CTIF: variants seen among roughly 807,000 people sequenced by gnomAD.
CTIF encodes cap binding complex dependent translation initiation factor.
In CTIF, 21 loss-of-function variants were observed where a neutral mutation model predicts 66.0. The ratio of observed to expected loss-of-function variants is 0.32; its 90% CI spans 0.23 to 0.46. CTIF has a LOEUF of 0.46. CTIF is among the 20% of genes least tolerant of loss of function. The pLI is 1.00. For synonymous variants in CTIF, 345 were observed against 326.4 expected, an observed-to-expected ratio of 1.06 and a Z score of -0.62; for missense variants, 739 against 812.7, an observed-to-expected ratio of 0.91 and a Z score of 1.10.
rs114018097 is a variant in CTIF, at chr18:48,741,937, C to T, written c.585-15982C>T. Among the ~76,000 whole-genome samples the T allele has an allele frequency of 2.4e-3, 361 of 152,316 alleles. 1 individual carries two copies. The highest frequency in any genetic ancestry group is 8.4e-3 in the African/African-American group (350 of 41,554). The stretch of plus-strand genomic sequence containing the variant: ...AGGGCTTGACACCTGCCTCCTTGTC[C>T]CCCAGCTCAGAAACCACTTACCAGG... On this transcript the variant is annotated intron_variant, in intron 7 of 11. Coordinates refer to ENST00000256413, the MANE Select transcript of CTIF (RefSeq NM_014772.3).
chr18:48,698,918 A>G (rs1473482370), intron 6 of CTIF, among the ~76,000 whole-genome samples: 1 of 152,138 alleles, frequency 6.6e-6, no homozygotes, highest in East Asian at 1.9e-4. Flanking sequence ...CACCTAGTAC[A>G]GCCGCTGGCA....
At chr18:48,635,656 T>C (rs1361930079) in intron 2 of CTIF, among the ~76,000 whole-genome samples, 1 of 152,066 alleles carries the variant, frequency 6.6e-6, no homozygotes, top group East Asian at 1.9e-4. Flanking sequence ...GGGTGTAGGT[T>C]AAGGTCAATA....
chr18:48,589,947 T>G (rs1414380305), intron 1 of CTIF, among the ~76,000 whole-genome samples: 1 of 152,226 alleles, frequency 6.6e-6, no homozygotes, highest in Non-Finnish European at 1.5e-5. Context: ...CGGTCATGCG[T>G]CCCTCACTGC....
chr18:48,540,267 C>T (rs1267918716), intron 1 of CTIF: 1 of 151,526 alleles, frequency 6.6e-6, no homozygotes, highest in Non-Finnish European at 1.5e-5. Flanking sequence ...TGAAAAGCCA[C>T]CTCTGGGTGG....
At chr18:48,696,888 G>A (rs550144940) in intron 6 of CTIF, among the ~76,000 whole-genome samples, 17 of 152,322 alleles carry the variant, frequency 1.1e-4, no homozygotes, top group Middle Eastern at 3.4e-3. Flanking sequence ...TTGTCACCAT[G>A]CAGCCAGTGA....
chr18:48,851,295 G>C (rs1038488144), intron 10 of CTIF, among the ~76,000 whole-genome samples: 3 of 152,242 alleles, frequency 2.0e-5, no homozygotes, highest in African/African-American at 7.2e-5. Flanking sequence ...AAAGAGCAGG[G>C]AGACTGTGGA....
intron 9 of CTIF, among the ~76,000 whole-genome samples, chr18:48,767,543 G>A (rs1909693488): frequency 6.6e-6 from 1 of 152,074 alleles, no homozygotes; most frequent in Non-Finnish European, 1.5e-5. Context: ...CAGTGTGTCT[G>A]TAACTGAACC....
At chr18:48,767,003 G>A (rs749616491) in intron 9 of CTIF, among the ~76,000 whole-genome samples, 20 of 152,152 alleles carry the variant, frequency 1.3e-4, no homozygotes, top group Non-Finnish European at 2.1e-4. Context: ...TCTCACCCAC[G>A]GTGCCAGGCT....
At chr18:48,691,367 G>A (rs1046733670) in intron 6 of CTIF, among the ~76,000 whole-genome samples, 3 of 152,092 alleles carry the variant, frequency 2.0e-5, no homozygotes, top group African/African-American at 7.2e-5. Flanking sequence ...CCCTCCCTTT[G>A]GGAGACATAT....
At chr18:48,572,866 G>A (rs959504454) in intron 1 of CTIF, among the ~76,000 whole-genome samples, 3 of 152,128 alleles carry the variant, frequency 2.0e-5, no homozygotes, top group African/African-American at 7.2e-5. Flanking sequence ...ATTAGTGTGT[G>A]CCTGTAGTCC....
At chr18:48,731,312 A>C (rs1035313923) in intron 7 of CTIF, among the ~76,000 whole-genome samples, 1 of 152,134 alleles carries the variant, frequency 6.6e-6, no homozygotes, top group Admixed American at 6.6e-5. Flanking sequence ...GATGGGCATC[A>C]CTGGGAGGGA....
intron 7 of CTIF, among the ~76,000 whole-genome samples, chr18:48,714,478 C>A (rs2092260560): frequency 6.6e-6 from 1 of 152,182 alleles, no homozygotes; most frequent in Non-Finnish European, 1.5e-5. Context: ...CATCTTCCTG[C>A]AAAGTGGCTG....
At position 48,859,608 on chromosome 18, in the gene CTIF, CACAGGGCCAGATGG is replaced by C. The variant is rs752807549; in HGVS notation, c.*55_*68del. The stretch of plus-strand genomic sequence containing the variant: ...CCCACGGGCAGCTGGGGCCCTGGTG[CACAGGGCCAGATGG>C]ACAGGCGGGAGGACAGGGGTGGCCC... On this transcript the variant is annotated 3_prime_UTR_variant, in exon 12 of 12. Transcript: ENST00000256413. 1 of 1,540,792 alleles carries C rather than the reference CACAGGGCCAGATGG, an allele frequency of 6.5e-7. No homozygotes were observed. The highest frequency in any genetic ancestry group is 9.0e-7 in the Non-Finnish European group (1 of 1,113,990).
intron 1 of CTIF, among the ~76,000 whole-genome samples, chr18:48,591,579 C>T (rs971472662): frequency 2.0e-5 from 3 of 152,164 alleles, no homozygotes; most frequent in African/African-American, 4.8e-5. Context: ...GGCTTAGCTC[C>T]CAGTAGCCAC....
intron 7 of CTIF, among the ~76,000 whole-genome samples, chr18:48,752,985 C>T (rs958178872): frequency 6.6e-6 from 1 of 152,180 alleles, no homozygotes; most frequent in Non-Finnish European, 1.5e-5. Flanking sequence ...TTCCTGGGTC[C>T]TATATGCCAT....
chr18:48,802,148 A>G (rs917159319), intron 9 of CTIF, among the ~76,000 whole-genome samples: 2 of 152,238 alleles, frequency 1.3e-5, no homozygotes, highest in Non-Finnish European at 2.9e-5. Flanking sequence ...AGATGGGGAC[A>G]CAGAGTCACA....
chr18:48,561,907 T>G (rs1319460811), intron 1 of CTIF, among the ~76,000 whole-genome samples: 2 of 152,200 alleles, frequency 1.3e-5, no homozygotes, highest in Admixed American at 1.3e-4. Context: ...TCCAGCCCAA[T>G]GCCTGTTTTT....
intron 1 of CTIF, among the ~76,000 whole-genome samples, chr18:48,540,537 C>A (rs886208881): frequency 6.7e-6 from 1 of 149,938 alleles, no homozygotes; most frequent in Non-Finnish European, 1.5e-5. Flanking sequence ...GGTCCGAGCC[C>A]GTTATCTGGG....
chr18:48,859,903 A>G lies in CTIF; in HGVS notation c.*344A>G. 1.9e-6 allele frequency: 1 copy of G among 514,056 alleles called. No individual in the cohort carries two copies. Among genetic ancestry groups the G allele is most frequent in the Non-Finnish European group, 3.8e-6 (1 of 265,098 alleles). The allele number at this position is 514,056 out of a possible 1,614,324, so 31.8% of individuals were successfully genotyped here. A position where few individuals can be genotyped will look rare whatever the true frequency, so the allele number is the denominator to read the frequency against. On this transcript the variant is annotated 3_prime_UTR_variant, in exon 12 of 12. Transcript: ENST00000256413. ...TTGTGTGAGGGATCTCATCGCTGTG[A>G]CTCCTCGGAGACCTTGGCAGCCTCG... is the stretch of plus-strand genomic sequence containing the variant.
Sources: allele counts gnomAD v4.1 joint callset (sites outside exome capture counted in the v4.1 genomes callset), GRCh38; gene constraint gnomAD v4.1.1; transcripts MANE v1.5; gene names NCBI Gene and HGNC (gene_info 2026-07-23, HGNC 2026-07-21).